The following TERT variants were observed in gnomAD, a reference collection of about 807,000 sequenced individuals.
TERT encodes the protein telomerase catalytic subunit.
A neutral mutation model predicts 104.0 loss-of-function variants in TERT; 42 were observed. The ratio of observed to expected loss-of-function variants is 0.40; its 90% CI spans 0.32 to 0.52. The LOEUF is 0.52. TERT is among the 20% of genes least tolerant of loss of function. TERT has a pLI of 0.43. For missense variants in TERT, 1,101 were observed against 1,610.3 expected (o/e 0.68, Z 5.41); for synonymous variants, 781 against 725.6 (o/e 1.08, Z -1.23).
In TERT at chr5:1,287,323, G is replaced by C. The variant is rs1414402836; in HGVS notation, c.1574-4699C>G. 6.6e-6 allele frequency among the ~76,000 whole-genome samples: 1 copy of C among 152,002 alleles called. No homozygotes were observed. The highest frequency in any genetic ancestry group is 2.4e-5 in the African/African-American group (1 of 41,402). On this transcript the variant is annotated intron_variant, in intron 2 of 15. Coordinates refer to ENST00000310581, the MANE Select transcript of TERT (RefSeq NM_198253.3). The surrounding 1 kb of genome is among the most constrained non-coding windows in gnomAD (Gnocchi z 4.3). ...GAGACCAGCCTGGGCAACACAGCAA[G>C]ACCCTGTCTCCAGAAAAAATTTAAA...
intron 6 of TERT, among the ~76,000 whole-genome samples, chr5:1,275,229 G>T (rs765937725): frequency 1.3e-5 from 2 of 152,074 alleles, no homozygotes; most frequent in Non-Finnish European, 1.5e-5. Flanking sequence ...ACAAAAATTA[G>T]TCAGCATGGT....
At chr5:1,259,179 AGGGGGAG>A (rs1747989691) in intron 12 of TERT, among the ~76,000 whole-genome samples, 1 of 129,416 alleles carries the variant, frequency 7.7e-6, no homozygotes, top group Admixed American at 8.1e-5. Flanking sequence ...CCCACAGGAG[AGGGGGAG>A]TGGAGTGGAT....
In TERT at chr5:1,293,923, A is replaced by T; in HGVS notation, c.963T>A (p.Cys321Ter). The T allele has an allele frequency of 6.5e-7, 1 of 1,542,766 alleles. No homozygotes were observed. The highest frequency in any genetic ancestry group is 1.4e-5 in the African/African-American group (1 of 73,172). Reference protein sequence around the residue: ...SRPPRPWDTPCPPVYAETKHF... With the variant: ...SRPPRPWDTP ...GCTTGGTCTCGGCGTACACCGGGGG[A>T]CAAGGCGTGTCCCAGGGACGTGGTG... is the stretch of plus-strand genomic sequence containing the variant. The change falls in exon 2 of 16, where the codon TGT becomes TGA. Residue 321 changes from cysteine to a stop codon, truncating the protein, a stop_gained. Transcript: ENST00000310581. LOFTEE classifies it high-confidence loss of function.
chr5:1,254,758 C>G (rs34321948), intron 14 of TERT, among the ~76,000 whole-genome samples: 1 of 152,200 alleles, frequency 6.6e-6, no homozygotes, highest in Admixed American at 6.5e-5. Flanking sequence ...GAATTTCAGA[C>G]GGATCAGAAA....
intron 2 of TERT, among the ~76,000 whole-genome samples, chr5:1,290,318 TACAC>T (rs1400957572): frequency 3.2e-5 from 2 of 62,554 alleles, no homozygotes; most frequent in Non-Finnish European, 5.9e-5. Context: ...TCACTCACCC[TACAC>T]GTGACAGGGA....
In TERT at chr5:1,260,616, GA is replaced by G. The variant is rs1468511540; in HGVS notation, c.2844-17del. On this transcript the variant is annotated splice_polypyrimidine_tract_variant and intron_variant, in intron 11 of 15. Coordinates refer to ENST00000310581, the MANE Select transcript of TERT (RefSeq NM_198253.3). ...CCGGGCATAGCTGAGACACAGGGGG[GA>G]ATGTCAGACACAGGTGCCTGCCCCA... 1.2e-6 allele frequency: 2 copies of G among 1,613,190 alleles called. No homozygotes were observed. Among genetic ancestry groups the G allele is most frequent in the Admixed American group, 1.7e-5 (1 of 59,994 alleles).
chr5:1,262,589 T>G lies in TERT; in HGVS notation c.2843+1815A>C, dbSNP rs1033373539. Among the ~76,000 whole-genome samples the G allele has an allele frequency of 2.6e-4, 39 of 152,334 alleles. No homozygotes were observed. Among genetic ancestry groups the G allele is most frequent in the Non-Finnish European group, 2.6e-4 (18 of 68,038 alleles). ...CCACTGCTGAGCTTTTAGAGCCACC[T>G]CTGCAAGCACACACTCTGACCAAGT... On this transcript the variant is annotated intron_variant, in intron 11 of 15. Transcript: ENST00000310581. This position sits in a 1 kb window ranked among gnomAD's most constrained non-coding sequence, Gnocchi z 5.6.
chr5:1,288,876 C>T lies in TERT; in HGVS notation c.1573+4437G>A, dbSNP rs1233212890. On this transcript the variant is annotated intron_variant, in intron 2 of 15. Coordinates refer to ENST00000310581, the MANE Select transcript of TERT (RefSeq NM_198253.3). This position sits in a 1 kb window ranked among gnomAD's most constrained non-coding sequence, Gnocchi z 5.3. ...GCTGCAGTGCCTGGCACGCGGGAGG[C>T]GAGAGCCTGCAGTCCCGTGTCCCCG... Among the ~76,000 whole-genome samples the T allele has an allele frequency of 2.6e-5, 4 of 152,124 alleles. No homozygotes were observed. The highest frequency in any genetic ancestry group is 4.4e-5 in the Non-Finnish European group (3 of 68,022).
rs34289611 is a variant in TERT, at chr5:1,263,535, C to T, written c.2843+869G>A. ...TCTCCTGCCTCAGCCTCCCGCATAG[C>T]GGGGACTACAGGCGTGTGCCACCAG... On this transcript the variant is annotated intron_variant, in intron 11 of 15. Coordinates refer to ENST00000310581, the MANE Select transcript of TERT (RefSeq NM_198253.3). The surrounding 1 kb of genome is among the most constrained non-coding windows in gnomAD (Gnocchi z 5.3). Among the ~76,000 whole-genome samples, 1,547 of 152,208 alleles carry T rather than the reference C, an allele frequency of 0.01. 28 individuals are homozygous for T. Among genetic ancestry groups the T allele is most frequent in the African/African-American group, 0.036 (1,492 of 41,528 alleles).
intron 12 of TERT, 129 bp from the exon 13 acceptor site, chr5:1,258,788 T>A: frequency 1.1e-6 from 1 of 879,256 alleles, no homozygotes; most frequent in Middle Eastern, 2.1e-4. Context: ...CTATCCCTCT[T>A]CCCAGTGAAA....
chr5:1,291,164 TGGGA>T (rs1750909206), intron 2 of TERT, among the ~76,000 whole-genome samples: 1 of 132,978 alleles, frequency 7.5e-6, no homozygotes, highest in Non-Finnish European at 1.6e-5. Context: ...ACCCTATACC[TGGGA>T]GGGACACCCA....
Position 1,256,202 on chromosome 5 carries a change from T to C in TERT, c.3033-791A>G, listed in dbSNP as rs1292480653. Among the ~76,000 whole-genome samples the C allele has an allele frequency of 6.6e-6, 1 of 151,926 alleles. No homozygotes were observed. Among genetic ancestry groups the C allele is most frequent in the Non-Finnish European group, 1.5e-5 (1 of 67,990 alleles). On this transcript the variant is annotated intron_variant, in intron 13 of 15. Transcript: ENST00000310581. The surrounding 1 kb of genome is among the most constrained non-coding windows in gnomAD (Gnocchi z 7.0). ...TTTTTGTTTTTATTTTTCATAGAGA[T>C]GGGGTTCTACTATGTTGCTCAGGCT... is the stretch of plus-strand genomic sequence containing the variant.
chr5:1,292,481 C>T lies in TERT; in HGVS notation c.1573+832G>A, dbSNP rs962453253. Among the ~76,000 whole-genome samples, 7 of 151,978 alleles carry T rather than the reference C, an allele frequency of 4.6e-5. No individual in the cohort carries two copies. The highest frequency in any genetic ancestry group is 7.3e-5 in the African/African-American group (3 of 41,374). ...CTGTGCTGGAGAACAGTCTTATCTC[C>T]CTCCCTCTACCCTGTCCTGGCACAA... is the stretch of plus-strand genomic sequence containing the variant. On this transcript the variant is annotated intron_variant, in intron 2 of 15. Transcript: ENST00000310581. The surrounding 1 kb of genome is among the most constrained non-coding windows in gnomAD (Gnocchi z 5.5).
Position 1,295,013 on chromosome 5 carries a change from C to A in TERT, c.-24G>T, listed in dbSNP as rs2126693374. 1 of 1,292,690 alleles carries A rather than the reference C, an allele frequency of 7.7e-7. No individual in the cohort carries two copies. 80.1% of individuals were successfully genotyped at this position (1,292,690 alleles called of 1,614,324 possible). A position where few individuals can be genotyped will look rare whatever the true frequency, so the allele number is the denominator to read the frequency against. ...ATCGCGGGGGTGGCCGGGGCCAGGG[C>A]TTCCCACGTGCGCAGCAGGACGCAG... is the stretch of plus-strand genomic sequence containing the variant. On this transcript the variant is annotated 5_prime_UTR_variant, in exon 1 of 16. Transcript: ENST00000310581.
In TERT at chr5:1,270,285, C is replaced by T. The variant is rs540893313; in HGVS notation, c.2468+834G>A. On this transcript the variant is annotated intron_variant, in intron 8 of 15. Coordinates refer to ENST00000310581, the MANE Select transcript of TERT (RefSeq NM_198253.3). The surrounding 1 kb of genome is among the most constrained non-coding windows in gnomAD (Gnocchi z 8.3). ...AGTTATATTTTTAAATAAAAGCTTC[C>T]GAAGCTGTGCACAGTCCTTTATCCG... Among the ~76,000 whole-genome samples, 32 of 152,230 alleles carry T rather than the reference C, an allele frequency of 2.1e-4. No individual in the cohort carries two copies. The East Asian group carries it at 2.1e-3, about 10-fold the overall frequency.
chr5:1,290,610 C>T (rs1391701092), intron 2 of TERT, among the ~76,000 whole-genome samples: 1 of 73,836 alleles, frequency 1.4e-5, no homozygotes, highest in Non-Finnish European at 2.5e-5. Context: ...CCTCACTCAC[C>T]CTGAACGTGA....
rs1003575407 is a variant in TERT at position 1,268,560 on chromosome 5, C to T, written c.2542G>A (p.Asp848Asn). 1.9e-6 allele frequency: 3 copies of T among 1,613,534 alleles called. No homozygotes were observed. The highest frequency in any genetic ancestry group is 1.7e-6 in the Non-Finnish European group (2 of 1,180,016). ...CCCGCAAACAGCTTGTTCTCCATGT[C>T]GCCGTAGCACAGGCTGCAGAGCAGC... Reference protein sequence around the residue: ...STLLCSLCYGDMENKLFAGIR... With the variant: ...STLLCSLCYGNMENKLFAGIR... Residue 848 changes from aspartate to asparagine, a missense_variant, in exon 9 of 16, where the codon GAC becomes AAC. By Grantham distance (23) the Asp-to-Asn change is conservative. This residue lies in a region of TERT where 463 missense variants were observed against 797.5 expected (regional missense o/e 0.58). Coordinates refer to ENST00000310581, the MANE Select transcript of TERT (RefSeq NM_198253.3). The surrounding 1 kb of genome is among the most constrained non-coding windows in gnomAD (Gnocchi z 5.5).
chr5:1,279,180 G>T, intron 5 of TERT, 111 bp downstream of exon 5: 1 of 1,257,452 alleles, frequency 8.0e-7, no homozygotes, highest in Non-Finnish European at 1.1e-6. Flanking sequence ...AGGGTCACCT[G>T]CACTCCCTGC....
In TERT at chr5:1,261,870, G is replaced by A. The variant is rs768260816; in HGVS notation, c.2844-1270C>T. Among the ~76,000 whole-genome samples, 29 of 152,288 alleles carry A rather than the reference G, an allele frequency of 1.9e-4. No individual in the cohort carries two copies. The highest frequency in any genetic ancestry group is 2.6e-4 in the African/African-American group (11 of 41,554). ...CTTTGCCAGCTGGGTGACCAAGGGC[G>A]GCTGCTCCCCTGGAGCCTTTCCTCC... On this transcript the variant is annotated intron_variant, in intron 11 of 15. Coordinates refer to ENST00000310581, the MANE Select transcript of TERT (RefSeq NM_198253.3). The surrounding 1 kb of genome is among the most constrained non-coding windows in gnomAD (Gnocchi z 7.4).
Sources: allele counts gnomAD v4.1 joint callset (sites outside exome capture counted in the v4.1 genomes callset), GRCh38; gene constraint gnomAD v4.1.1; regional missense constraint gnomAD v4.1.1; non-coding constraint Gnocchi (gnomAD v3.1); transcripts MANE v1.5; gene names NCBI Gene and HGNC (gene_info 2026-07-23, HGNC 2026-07-21).